Variants in LRP2 observed in about 807,000 individuals in gnomAD.
The protein encoded by LRP2 is LDL receptor related protein 2.
Under a neutral mutation model 531.0 loss-of-function variants are expected in LRP2, and 172 were observed. The ratio of observed to expected loss-of-function variants is 0.32; its 90% CI spans 0.29 to 0.37. The LOEUF is 0.37. Ranked by LOEUF, LRP2 falls within the 10% of genes least tolerant of loss-of-function variation. LRP2 has a pLI of 1.00. For missense variants in LRP2, 5,167 were observed against 5,868.3 expected (o/e 0.88, Z 3.90); for synonymous variants, 1,992 against 2,027.6 (o/e 0.98, Z 0.47).
chr2:169,237,233 G>C lies in LRP2; in HGVS notation c.4561C>G (p.Arg1521Gly). Residue 1521 changes from arginine to glycine, a missense_variant, in exon 28 of 79, where the codon CGT (arginine) becomes GGT (glycine). By Grantham distance (125) the Arg-to-Gly change is moderately radical (BLOSUM62 -2). Transcript: ENST00000649046. ...GCATAGTCTGTCCAGTAAAGATTACGACCTACCCAATCTATTGCAATAGTT... is the reference window on the plus strand; with the variant it reads ...GCATAGTCTGTCCAGTAAAGATTACCACCTACCCAATCTATTGCAATAGTT... ...TETIAIDWVG[R>G]NLYWTDYALE... 1 of 1,613,740 alleles carries C rather than the reference G, an allele frequency of 6.2e-7. No individual in the cohort carries two copies. The highest frequency in any genetic ancestry group is 8.5e-7 in the Non-Finnish European group (1 of 1,179,780).
In LRP2 at chr2:169,175,357, T is replaced by C. The variant is rs754154246; in HGVS notation, c.10604A>G (p.Gln3535Arg). 7.4e-6 allele frequency: 12 copies of C among 1,614,082 alleles called. No homozygotes were observed. In the South Asian group the frequency reaches 1.3e-4, roughly 18 times the overall value. ...CIPIWWKCDG[Q>R]KDCSDGSDEL... ...ATCAGAGCCATCTGAGCAGTCTTTC[T>C]GTCCATCACATTTCCACCAGATAGG... Residue 3535 changes from glutamine to arginine, a missense_variant, in exon 55 of 79, where the codon CAG becomes CGG. This residue lies in a region of LRP2 where 311 missense variants were observed against 309.4 expected (regional missense o/e 1.01). Coordinates refer to ENST00000649046, the MANE Select transcript of LRP2 (RefSeq NM_004525.3).
rs1687599207 is a variant in LRP2, at chr2:169,185,422, A to C, written c.9845+81T>G. ...ATCTGCATATTAACCCAAGTTGAAAAATTAATTTCCTATCAAGATGAAAAC... is the reference window on the plus strand; with the variant it reads ...ATCTGCATATTAACCCAAGTTGAAACATTAATTTCCTATCAAGATGAAAAC... On this transcript the variant is annotated intron_variant, in intron 50 of 78. Transcript: ENST00000649046. 6.2e-6 allele frequency: 9 copies of C among 1,453,114 alleles called. No individual in the cohort carries two copies. In the South Asian group the frequency reaches 1.1e-4, roughly 17 times the overall value. 90.0% of individuals were successfully genotyped at this position (1,453,114 alleles called of 1,614,324 possible). A position where few individuals can be genotyped will look rare whatever the true frequency, so the allele number is the denominator to read the frequency against.
Position 169,206,935 on chromosome 2 carries a change from C to T in LRP2, c.6785G>A (p.Arg2262His), listed in dbSNP as rs201740125. 2.8e-5 allele frequency: 45 copies of T among 1,614,206 alleles called. No individual in the cohort carries two copies. Among genetic ancestry groups the T allele is most frequent in the South Asian group, 9.9e-5 (9 of 91,086 alleles). Residue 2262 changes from arginine to histidine, a missense_variant, in exon 39 of 79, where the codon CGT becomes CAT. Transcript: ENST00000649046. ...CACTTCAGAGTTCTCTCCATTGATACGAATCCTTGCAATTATATCTAAAGA... is the reference window on the plus strand; with the variant it reads ...CACTTCAGAGTTCTCTCCATTGATATGAATCCTTGCAATTATATCTAAAGA... ...DDSLDIIARI[R>H]INGENSEVIR... is the part of the protein sequence containing the mutation.
intron 62 of LRP2, among the ~76,000 whole-genome samples, chr2:169,163,598 C>T (rs569976624): frequency 6.6e-6 from 1 of 152,248 alleles, no homozygotes; most frequent in South Asian, 2.1e-4. Flanking sequence ...CAAAAGAGCA[C>T]TAGGTCAGGT....
chr2:169,256,346 G>A (rs1690303786), intron 18 of LRP2, 110 bp from the exon 19 acceptor site: 1 of 768,620 alleles, frequency 1.3e-6, no homozygotes, highest in Admixed American at 2.6e-5. Flanking sequence ...ATTAAACAAA[G>A]TTTTTAAAAT....
chr2:169,301,800 G>C (rs573442482), intron 4 of LRP2, among the ~76,000 whole-genome samples: 31 of 152,196 alleles, frequency 2.0e-4, no homozygotes, highest in African/African-American at 6.7e-4. Context: ...ATGGACACAA[G>C]GTACTCTGTC....
Position 169,201,686 on chromosome 2 carries a change from A to C in LRP2, c.8394T>G (p.Phe2798Leu). 4.3e-6 allele frequency: 7 copies of C among 1,614,212 alleles called. No individual in the cohort carries two copies. Among genetic ancestry groups the C allele is most frequent in the Middle Eastern group, 1.6e-4 (1 of 6,062 alleles). ...CNNRRCIPREFICNGVDNCHD... is the reference protein window; with the variant it reads ...CNNRRCIPRELICNGVDNCHD... ...GGCAGTTGTCTACACCATTGCAGAT[A>C]AACTCACGAGGTATGCACCTTCTGT... Residue 2798 changes from phenylalanine to leucine, a missense_variant, in exon 44 of 79, where the codon TTT becomes TTG. Phe to Leu is a conservative substitution (Grantham distance 22, BLOSUM62 0). This residue lies in a region of LRP2 where 1,129 missense variants were observed against 1,362.7 expected (regional missense o/e 0.83). Transcript: ENST00000649046.
intron 49 of LRP2, among the ~76,000 whole-genome samples, chr2:169,186,361 T>C (rs59363833): frequency 0.09 from 13,627 of 152,182 alleles, 1,545 homozygotes; most frequent in African/African-American, 0.27. Context: ...GTTCACACCA[T>C]GGTCAAGCTC....
intron 1 of LRP2, among the ~76,000 whole-genome samples, chr2:169,346,384 C>T (rs754711169): frequency 6.6e-6 from 1 of 151,894 alleles, no homozygotes; most frequent in African/African-American, 2.4e-5. Context: ...CTTCACTGAA[C>T]CAAATATTAG....
rs754558515 is a variant in LRP2 at position 169,162,535 on chromosome 2, G to A, written c.11824C>T (p.Pro3942Ser). 6.2e-7 allele frequency: 1 copy of A among 1,614,040 alleles called. No individual in the cohort carries two copies. The highest frequency in any genetic ancestry group is 8.5e-7 in the Non-Finnish European group (1 of 1,179,902). Residue 3942 changes from proline (P) to serine (S), a missense_variant, in exon 63 of 79, where the codon CCA becomes TCA. Coordinates refer to ENST00000649046, the MANE Select transcript of LRP2 (RefSeq NM_004525.3). Reference sequence around the variant, plus strand: ...GCATCATCACACACATTGTCATGTGGAATGCAATGCCCATTGCCACACTTA... The same window carrying A: ...GCATCATCACACACATTGTCATGTGAAATGCAATGCCCATTGCCACACTTA... ...EYKCGNGHCI[P>S]HDNVCDDADD...
At chr2:169,304,609 AC>A (rs1334556714) in intron 4 of LRP2, among the ~76,000 whole-genome samples, 3 of 152,158 alleles carry the variant, frequency 2.0e-5, no homozygotes, top group East Asian at 3.9e-4. Context: ...AGAATCTTTG[AC>A]CCCTAAACTT....
At chr2:169,230,050 C>T (rs538371245) in intron 31 of LRP2, among the ~76,000 whole-genome samples, 3 of 152,254 alleles carry the variant, frequency 2.0e-5, no homozygotes, top group South Asian at 2.1e-4. Context: ...AGTTCCACTT[C>T]GGTAAAGTCA....
intron 7 of LRP2, 114 bp from the exon 8 acceptor site, chr2:169,291,111 G>T (rs1478038141): frequency 2.2e-6 from 2 of 893,450 alleles, no homozygotes; most frequent in East Asian, 2.4e-5. Context: ...ATCTATAAAT[G>T]ATCTACATTT....
At chr2:169,206,222 C>G (rs1444083249) in intron 39 of LRP2, 34 bp from the exon 40 acceptor site, 1 of 1,613,806 alleles carries the variant, frequency 6.2e-7, no homozygotes, top group Non-Finnish European at 8.5e-7. Flanking sequence ...CACACAAGCA[C>G]ACACAAAGAC....
intron 14 of LRP2, among the ~76,000 whole-genome samples, chr2:169,274,709 C>T (rs111849729): frequency 1.1e-3 from 163 of 152,202 alleles, no homozygotes; most frequent in African/African-American, 3.7e-3. Flanking sequence ...AGATGTCTTT[C>T]CCAGTAGAAT....
In LRP2 at chr2:169,239,569, C is replaced by T. The variant is rs1166685340; in HGVS notation, c.4252G>A (p.Gly1418Ser). 5 of 1,614,054 alleles carry T rather than the reference C, an allele frequency of 3.1e-6. No homozygotes were observed. The South Asian group carries it at 5.5e-5, about 18-fold the overall frequency. Reference protein sequence around the residue: ...RGSFRCSCDTGYMLESDGRTC... With the variant: ...RGSFRCSCDTSYMLESDGRTC... ...CTCCCATCACTTTCTAACATGTAGC[C>T]TGTATCACACGAGCACCGGAAAGAA... is the stretch of plus-strand genomic sequence containing the variant. The change falls in exon 26 of 79, where the codon GGC (glycine) becomes AGC (serine). Residue 1418 changes from glycine (G) to serine (S), a missense_variant. Physicochemically the swap from Gly to Ser is moderately conservative, Grantham distance 56. Coordinates refer to ENST00000649046, the MANE Select transcript of LRP2 (RefSeq NM_004525.3).
intron 62 of LRP2, among the ~76,000 whole-genome samples, chr2:169,164,658 G>A (rs1686718280): frequency 6.6e-6 from 1 of 152,122 alleles, no homozygotes; most frequent in Non-Finnish European, 1.5e-5. Flanking sequence ...GATGGAGGAG[G>A]GTTGCTTGAC....
chr2:169,198,978 G>T, intron 44 of LRP2, 67 bp from the exon 45 acceptor site: 3 of 1,526,466 alleles, frequency 2.0e-6, no homozygotes, highest in South Asian at 2.3e-5. Context: ...AACAGTATCC[G>T]TGCTAACACA....
chr2:169,151,246 A>G (rs1333925369), intron 67 of LRP2, among the ~76,000 whole-genome samples: 1 of 152,194 alleles, frequency 6.6e-6, no homozygotes, highest in Non-Finnish European at 1.5e-5. Context: ...CTCCTGCCCA[A>G]CAGCCAAAGC....
Sources: allele counts gnomAD v4.1 joint callset (sites outside exome capture counted in the v4.1 genomes callset), GRCh38; gene constraint gnomAD v4.1.1; regional missense constraint gnomAD v4.1.1; transcripts MANE v1.5; gene names NCBI Gene and HGNC (gene_info 2026-07-23, HGNC 2026-07-21).